KLHL8: variants seen among roughly 807,000 people sequenced by gnomAD.
KLHL8 encodes kelch like family member 8, also known as kelch-like protein 8.
Under a neutral mutation model 63.5 loss-of-function variants are expected in KLHL8, and 38 were observed. The ratio of observed to expected loss-of-function variants is 0.60; its 90% CI spans 0.46 to 0.78. The LOEUF is 0.78. Among genes scored for constraint, KLHL8 ranks in the 30% least tolerant of loss-of-function variants. The pLI is 0.00. For missense variants in KLHL8, 566 were observed against 752.4 expected (o/e 0.75, Z 2.90); for synonymous variants, 224 against 254.3 (o/e 0.88, Z 1.13).
intron 1 of KLHL8, chr4:87,207,760 G>A (rs1005297221): frequency 8.2e-6 from 7 of 854,112 alleles, no homozygotes; most frequent in African/African-American, 6.6e-5. Flanking sequence ...TGAGCTGAAT[G>A]GGAAGCTCAC....
chr4:87,224,701 A>G (rs901962380), upstream of KLHL8, among the ~76,000 whole-genome samples: 4 of 152,050 alleles, frequency 2.6e-5, no homozygotes, highest in Non-Finnish European at 5.9e-5. Flanking sequence ...GCTTCCCTCA[A>G]CAATCATTTC....
At chr4:87,214,371 G>C (rs184551275) in intron 1 of KLHL8, among the ~76,000 whole-genome samples, 2 of 136,584 alleles carry the variant, frequency 1.5e-5, no homozygotes, top group Non-Finnish European at 3.1e-5. Flanking sequence ...AACCTCATAG[G>C]ATTGCTATAA....
chr4:87,215,531 A>G (rs1336502104), intron 1 of KLHL8, among the ~76,000 whole-genome samples: 1 of 152,216 alleles, frequency 6.6e-6, no homozygotes, highest in East Asian at 1.9e-4. Flanking sequence ...TACTTGATGG[A>G]CAGATTCATT....
Position 87,210,084 on chromosome 4 carries a change from G to T in KLHL8, c.-152+10334C>A, listed in dbSNP as rs144688986. ...TGTTTCCCAGGCTGGTGGTGAACTCGTGAGCTCCAGCAATCTGCCGGCTTC... is the reference window on the plus strand; with the variant it reads ...TGTTTCCCAGGCTGGTGGTGAACTCTTGAGCTCCAGCAATCTGCCGGCTTC... On this transcript the variant is annotated intron_variant, in intron 1 of 9. Coordinates refer to ENST00000273963, the MANE Select transcript of KLHL8 (RefSeq NM_020803.5). Among the ~76,000 whole-genome samples the T allele has an allele frequency of 2.4e-4, 37 of 152,064 alleles. No individual in the cohort carries two copies. In the East Asian group the frequency reaches 7.2e-3, roughly 30 times the overall value.
intron 1 of KLHL8, chr4:87,208,187 G>T: frequency 5.8e-6 from 2 of 341,986 alleles, no homozygotes; most frequent in Non-Finnish European, 5.7e-6. Context: ...CCACTACACT[G>T]AGAATCTCCC....
chr4:87,176,796 G>A lies in KLHL8; in HGVS notation c.1169C>T (p.Thr390Ile). 6.2e-7 allele frequency: 1 copy of A among 1,605,982 alleles called. No homozygotes were observed. Among genetic ancestry groups the A allele is most frequent in the Non-Finnish European group, 8.5e-7 (1 of 1,175,144 alleles). The change falls in exon 6 of 10, where the codon ACT becomes ATT. Residue 390 changes from threonine to isoleucine, a missense_variant. Transcript: ENST00000273963. Reference protein sequence around the residue: ...LGSMEMFDPLTNKWMMKASMN... With the variant: ...LGSMEMFDPLINKWMMKASMN... ...TGATGCCTTCATCATCCATTTATTA[G>A]TGAGAGGATCAAACATCTCCATACT...
At chr4:87,208,113 AGAGAGAGCAT>A in intron 1 of KLHL8, 2 of 488,292 alleles carry the variant, frequency 4.1e-6, no homozygotes, top group Non-Finnish European at 7.9e-6. Flanking sequence ...CACCAGCCCC[AGAGAGAGCAT>A]GAGAGGAAGA....
intron 5 of KLHL8, among the ~76,000 whole-genome samples, chr4:87,177,280 T>C (rs1161547963): frequency 6.6e-6 from 1 of 152,042 alleles, no homozygotes; most frequent in Non-Finnish European, 1.5e-5. Context: ...TTTGGAAGGC[T>C]GAGGTGGGCG....
At chr4:87,214,417 TATATATATATATATATATATATATATATA>T (rs1433021995) in intron 1 of KLHL8, among the ~76,000 whole-genome samples, 1 of 13,662 alleles carries the variant, frequency 7.3e-5, no homozygotes, top group Non-Finnish European at 1.2e-4. Context: ...ACATAACAGA[TATATATATATATATATATATATATATATA>T]TATATATATA....
intron 2 of KLHL8, among the ~76,000 whole-genome samples, chr4:87,189,248 C>T (rs1340998486): frequency 6.6e-6 from 1 of 152,188 alleles, no homozygotes; most frequent in Non-Finnish European, 1.5e-5. Context: ...AGGTTGCAGT[C>T]TGTTTACACA....
intron 2 of KLHL8, among the ~76,000 whole-genome samples, chr4:87,193,849 C>A (rs926838282): frequency 6.6e-6 from 1 of 152,032 alleles, no homozygotes; most frequent in Non-Finnish European, 1.5e-5. Flanking sequence ...CCATCGTTGA[C>A]CAAAATGTCC....
intron 8 of KLHL8, among the ~76,000 whole-genome samples, chr4:87,165,780 T>TA (rs1342662570): frequency 1.3e-5 from 2 of 152,148 alleles, no homozygotes; most frequent in East Asian, 3.8e-4. Flanking sequence ...AAATGTATTA[T>TA]AACAAAGAAT....
chr4:87,224,231 T>C (rs1030965161), upstream of KLHL8, among the ~76,000 whole-genome samples: 8 of 152,156 alleles, frequency 5.3e-5, no homozygotes, highest in Admixed American at 2.0e-4. Context: ...ATTACAAGCA[T>C]GAGCCACCGC....
intron 8 of KLHL8, among the ~76,000 whole-genome samples, chr4:87,168,724 A>ATATATATGTGTATATATATACGTG (rs1730508549): frequency 6.8e-6 from 1 of 146,812 alleles, no homozygotes; most frequent in Non-Finnish European, 1.5e-5. Context: ...ATATATACGT[A>ATATATATGTGTATATATATACGTG]TATATATGTG....
intron 1 of KLHL8, among the ~76,000 whole-genome samples, chr4:87,228,986 A>C (rs1249761304): frequency 6.6e-6 from 1 of 152,242 alleles, no homozygotes; most frequent in Admixed American, 6.5e-5. Context: ...TTGGGAGTTT[A>C]AAAGCCAACA....
chr4:87,167,813 A>C (rs190772947), intron 8 of KLHL8: 84 of 206,222 alleles, frequency 4.1e-4, no homozygotes, highest in African/African-American at 2.0e-3. Flanking sequence ...TTACAAAATC[A>C]AACTGAAAAA....
At chr4:87,219,876 G>A (rs1358663708) in intron 1 of KLHL8, 5 of 152,232 alleles carry the variant, frequency 3.3e-5, no homozygotes, top group African/African-American at 9.6e-5. Flanking sequence ...GACAGGCAGT[G>A]CCTTCCTCGC....
intron 1 of KLHL8, among the ~76,000 whole-genome samples, chr4:87,238,427 A>C (rs1023774741): frequency 6.6e-6 from 1 of 152,222 alleles, no homozygotes; most frequent in African/African-American, 2.4e-5. Flanking sequence ...GTGGTGGCTC[A>C]TAACTATAAT....
chr4:87,176,973 T>C (rs981927096), intron 5 of KLHL8, 105 bp from the exon 6 acceptor site: 1 of 588,738 alleles, frequency 1.7e-6, no homozygotes, highest in Non-Finnish European at 2.9e-6. Flanking sequence ...CATAAGTTAA[T>C]TTTCAATAAT....
Sources: allele counts gnomAD v4.1 joint callset (sites outside exome capture counted in the v4.1 genomes callset), GRCh38; gene constraint gnomAD v4.1.1; transcripts MANE v1.5; gene names NCBI Gene and HGNC (gene_info 2026-07-23, HGNC 2026-07-21).